The following FA2H variants were observed in gnomAD, a reference collection of about 807,000 sequenced individuals.
FA2H encodes the protein fatty acid 2-hydroxylase.
In FA2H, 22 loss-of-function variants were observed where a neutral mutation model predicts 44.9. The ratio of observed to expected loss-of-function variants is 0.49; its 90% confidence interval spans 0.35 to 0.70. The LOEUF (loss-of-function observed/expected upper bound fraction) is 0.70, where lower values mean the gene tolerates loss of function less well. FA2H is among the 30% of genes least tolerant of loss of function. FA2H has a pLI of 0.01. For missense variants in FA2H, 501 were observed against 504.9 expected, an observed-to-expected ratio of 0.99 and a Z score of 0.07; for synonymous variants, 243 against 213.2, an observed-to-expected ratio of 1.14 and a Z score of -1.22.
chr16:74,742,334 C>T (rs1299739226), intron 1 of FA2H, among the ~76,000 whole-genome samples: 1 of 152,182 alleles, frequency 6.6e-6, no homozygotes, highest in Non-Finnish European at 1.5e-5. Context: ...ATACGGCTGT[C>T]TGCCTGAGGG....
chr16:74,771,114 C>A (rs1417963652), intron 1 of FA2H, among the ~76,000 whole-genome samples: 1 of 152,148 alleles, frequency 6.6e-6, no homozygotes, highest in Admixed American at 6.6e-5. Context: ...CAACACAGGG[C>A]GGGCCCATGA....
intron 1 of FA2H, among the ~76,000 whole-genome samples, chr16:74,751,381 C>A (rs1194351352): frequency 6.6e-6 from 1 of 152,126 alleles, no homozygotes; most frequent in African/African-American, 2.4e-5. Context: ...TAACTTTGAG[C>A]CACTGCGCCT....
rs115573140 is a variant in FA2H, at chr16:74,718,418, G to A, written c.786+570C>T. 6.3e-3 allele frequency among the ~76,000 whole-genome samples: 953 copies of A among 152,266 alleles called. 10 individuals carry two copies. Among genetic ancestry groups the A allele is most frequent in the African/African-American group, 0.022 (909 of 41,554 alleles). On this transcript the variant is annotated intron_variant, in intron 5 of 6. Coordinates refer to ENST00000219368, the MANE Select transcript of FA2H (RefSeq NM_024306.5). ...TGGGCAGACCTATCTTCTCGGGCCA[G>A]CTTCTGGGACTGTCGTGGAGTCCTT...
At chr16:74,739,008 C>T (rs371169209) in intron 2 of FA2H, among the ~76,000 whole-genome samples, 2 of 152,316 alleles carry the variant, frequency 1.3e-5, no homozygotes, top group East Asian at 1.9e-4. Flanking sequence ...TGATCTCATG[C>T]GACAGGTGGG....
chr16:74,772,406 T>A lies in FA2H; in HGVS notation c.270+2080A>T, dbSNP rs146310060. ...CACCATTAATTAAGCAACTATCATG[T>A]GATCTGTGTGTTCCCTCTCCTTCCC... On this transcript the variant is annotated intron_variant, in intron 1 of 6. Transcript: ENST00000219368. Among the ~76,000 whole-genome samples the A allele has an allele frequency of 2.8e-4, 42 of 152,368 alleles. 1 individual carries two copies. In the East Asian group the frequency reaches 6.9e-3, roughly 25 times the overall value.
intron 1 of FA2H, among the ~76,000 whole-genome samples, chr16:74,757,132 C>T (rs1962626876): frequency 6.6e-6 from 1 of 151,714 alleles, no homozygotes; most frequent in Admixed American, 6.6e-5. Flanking sequence ...TACCCTTTAC[C>T]TCTAAGGAGA....
chr16:74,752,226 C>A (rs898215823), intron 1 of FA2H, among the ~76,000 whole-genome samples: 1 of 152,178 alleles, frequency 6.6e-6, no homozygotes, highest in African/African-American at 2.4e-5. Context: ...TTGACTCCCC[C>A]CAAGCCCAAT....
At chr16:74,741,453 C>A (rs1480588267) in intron 1 of FA2H, among the ~76,000 whole-genome samples, 1 of 152,164 alleles carries the variant, frequency 6.6e-6, no homozygotes, top group Non-Finnish European at 1.5e-5. Context: ...TAGTCTGTAT[C>A]ATCAAGCTAA....
At chr16:74,754,225 GTC>G (rs1962576672) in intron 1 of FA2H, among the ~76,000 whole-genome samples, 1 of 152,112 alleles carries the variant, frequency 6.6e-6, no homozygotes. Context: ...GCAAAACCCT[GTC>G]TCTACTAAAA....
chr16:74,766,884 G>A (rs143892119), intron 1 of FA2H, among the ~76,000 whole-genome samples: 1 of 152,282 alleles, frequency 6.6e-6, no homozygotes, highest in African/African-American at 2.4e-5. Context: ...TATCCTATGG[G>A]GATAGAGATT....
At chr16:74,751,851 C>A (rs2144649065) in intron 1 of FA2H, among the ~76,000 whole-genome samples, 1 of 152,284 alleles carries the variant, frequency 6.6e-6, no homozygotes, top group African/African-American at 2.4e-5. Context: ...TGGTTCCCAC[C>A]TTGGACAGCT....
chr16:74,764,726 T>A (rs1463749314), intron 1 of FA2H, among the ~76,000 whole-genome samples: 2 of 144,316 alleles, frequency 1.4e-5, no homozygotes, highest in Non-Finnish European at 3.0e-5. Flanking sequence ...CTTAGAAGTT[T>A]AAAAAAAAAA....
intron 2 of FA2H, among the ~76,000 whole-genome samples, chr16:74,733,845 C>T (rs1962127584): frequency 6.6e-6 from 1 of 152,244 alleles, no homozygotes; most frequent in Admixed American, 6.5e-5. Flanking sequence ...TGCCCCCGCT[C>T]ACCACATTTG....
chr16:74,754,166 T>G lies in FA2H; in HGVS notation c.271-14051A>C, dbSNP rs572047130. 8.5e-5 allele frequency among the ~76,000 whole-genome samples: 13 copies of G among 152,268 alleles called. No homozygotes were observed. In the South Asian group the frequency reaches 2.1e-3, roughly 24 times the overall value. ...ATTGCAGCACTTTGGGAGGCCAAGG[T>G]GAGTGGATCACTTGAGGTCGGGAGT... On this transcript the variant is annotated intron_variant, in intron 1 of 6. Transcript: ENST00000219368.
intron 1 of FA2H, among the ~76,000 whole-genome samples, chr16:74,760,000 A>G (rs1962678004): frequency 6.6e-6 from 1 of 152,140 alleles, no homozygotes; most frequent in Admixed American, 6.5e-5. Context: ...AGGGACAAGA[A>G]CCTTAGCTTA....
At chr16:74,726,654 T>G (rs1417311333) in intron 3 of FA2H, among the ~76,000 whole-genome samples, 2 of 152,216 alleles carry the variant, frequency 1.3e-5, no homozygotes, top group African/African-American at 4.8e-5. Context: ...CCCAAAGTGT[T>G]GGGATTACAG....
intron 1 of FA2H, among the ~76,000 whole-genome samples, chr16:74,759,915 T>A (rs1353121020): frequency 1.3e-5 from 2 of 152,114 alleles, no homozygotes; most frequent in Non-Finnish European, 2.9e-5. Context: ...CCATGGCAAG[T>A]TTTTTTAGGA....
intron 2 of FA2H, among the ~76,000 whole-genome samples, chr16:74,737,859 T>G (rs1167923413): frequency 1.3e-5 from 2 of 152,090 alleles, no homozygotes; most frequent in Non-Finnish European, 2.9e-5. Context: ...CAGCCCCCGC[T>G]GCCTGGGTCA....
chr16:74,729,304 C>T (rs868536192), intron 2 of FA2H, among the ~76,000 whole-genome samples: 5 of 152,140 alleles, frequency 3.3e-5, no homozygotes, highest in African/African-American at 9.7e-5. Flanking sequence ...CCACCACACC[C>T]GGCCTCTTAT....
Sources: gnomAD v4.1 joint callset for allele counts (sites outside exome capture counted in the v4.1 genomes callset) on GRCh38, gnomAD v4.1.1 for gene constraint, MANE v1.5 for transcripts, NCBI Gene and HGNC (gene_info 2026-07-23, HGNC 2026-07-21) for gene names.